KAZN: variants seen among roughly 807,000 people sequenced by gnomAD.
The protein encoded by KAZN is kazrin, periplakin interacting protein.
Under a neutral mutation model 87.4 loss-of-function variants are expected in KAZN, and 40 were observed. The observed-to-expected ratio is 0.46, with a 90% CI of 0.36 to 0.60. The LOEUF (loss-of-function observed/expected upper bound fraction) is 0.60, where lower values mean the gene tolerates loss of function less well. Ranked by LOEUF, KAZN falls within the 20% of genes least tolerant of loss-of-function variation. KAZN has a pLI of 0.00. For synonymous variants in KAZN, 466 were observed against 458.3 expected (o/e 1.02, Z -0.22); for missense variants, 898 against 1,073.9 (o/e 0.84, Z 2.29).
At chr1:14,241,542 G>A (rs1045451020) in intron 2 of KAZN, among the ~76,000 whole-genome samples, 1 of 152,206 alleles carries the variant, frequency 6.6e-6, no homozygotes, top group African/African-American at 2.4e-5. Flanking sequence ...GTTAATGAAA[G>A]GACTTAGCAT....
intron 1 of KAZN, among the ~76,000 whole-genome samples, chr1:14,792,501 G>A (rs1645704514): frequency 6.6e-6 from 1 of 152,156 alleles, no homozygotes. Flanking sequence ...TACATTAGAA[G>A]CCCAGAGGGT....
intron 1 of KAZN, among the ~76,000 whole-genome samples, chr1:14,049,970 G>A (rs992727234): frequency 2.0e-5 from 3 of 152,220 alleles, no homozygotes; most frequent in African/African-American, 7.2e-5. Context: ...GCCCTGCCTT[G>A]CCTGAGGAGT....
At chr1:15,041,339 T>G (rs865809576) in intron 3 of KAZN, among the ~76,000 whole-genome samples, 2 of 145,670 alleles carry the variant, frequency 1.4e-5, no homozygotes, top group Non-Finnish European at 3.0e-5. Context: ...TTCTTTTTTT[T>G]TTTTTTTGTT....
chr1:14,419,905 A>G (rs558687825), intron 2 of KAZN, among the ~76,000 whole-genome samples: 3 of 152,240 alleles, frequency 2.0e-5, no homozygotes, highest in South Asian at 2.1e-4. Flanking sequence ...GCGAGCAACA[A>G]TGGGATTTAT....
At chr1:14,602,268 G>T (rs1460904076) in intron 1 of KAZN, among the ~76,000 whole-genome samples, 1 of 152,218 alleles carries the variant, frequency 6.6e-6, no homozygotes, top group Non-Finnish European at 1.5e-5. Flanking sequence ...CGGCACTTCG[G>T]AGGATATTCT....
At chr1:13,945,361 T>C (rs34051317) in intron 1 of KAZN, among the ~76,000 whole-genome samples, 21,038 of 151,566 alleles carry the variant, frequency 0.14, 1,554 homozygotes, top group Middle Eastern at 0.22. Context: ...GTAATCCCAG[T>C]TACTCGGGAA....
chr1:14,482,832 A>G (rs1298555702), intron 2 of KAZN, among the ~76,000 whole-genome samples: 3 of 152,124 alleles, frequency 2.0e-5, no homozygotes, highest in African/African-American at 7.2e-5. Flanking sequence ...AGTCAACGGG[A>G]GCTAATATAA....
chr1:14,199,535 C>T (rs2100399155), intron 2 of KAZN, among the ~76,000 whole-genome samples: 1 of 152,344 alleles, frequency 6.6e-6, no homozygotes, highest in South Asian at 2.1e-4. Context: ...GAATTCGTCG[C>T]TGGGTTGCAC....
chr1:14,995,328 A>G (rs1438673666), intron 2 of KAZN, among the ~76,000 whole-genome samples: 1 of 152,162 alleles, frequency 6.6e-6, no homozygotes, highest in African/African-American at 2.4e-5. Flanking sequence ...TCCAGGGACA[A>G]TCTTCCTGGG....
chr1:13,937,037 T>A (rs1032844673), intron 1 of KAZN, among the ~76,000 whole-genome samples: 4 of 137,302 alleles, frequency 2.9e-5, no homozygotes, highest in Non-Finnish European at 6.0e-5. Context: ...TTTTCCCCAC[T>A]TTTTTTTTCT....
intron 2 of KAZN, among the ~76,000 whole-genome samples, chr1:14,973,157 C>T (rs573910394): frequency 1.2e-4 from 19 of 152,168 alleles, no homozygotes; most frequent in Non-Finnish European, 2.2e-4. Context: ...AATGCTGCAC[C>T]GGTGCTAGTT....
chr1:14,549,903 T>C (rs949464561), intron 2 of KAZN, among the ~76,000 whole-genome samples: 2 of 152,352 alleles, frequency 1.3e-5, no homozygotes, highest in Non-Finnish European at 2.9e-5. Context: ...TTTTGGTCCC[T>C]GGAGATTTCC....
intron 2 of KAZN, among the ~76,000 whole-genome samples, chr1:14,964,416 A>G (rs1664220803): frequency 6.6e-6 from 1 of 152,134 alleles, no homozygotes; most frequent in South Asian, 2.1e-4. Flanking sequence ...GGTGGCCCAG[A>G]CCTGAGACCA....
At chr1:14,636,428 G>A (rs182549899) in intron 1 of KAZN, among the ~76,000 whole-genome samples, 1 of 152,318 alleles carries the variant, frequency 6.6e-6, no homozygotes, top group East Asian at 1.9e-4. Context: ...ACATGCTTGA[G>A]CCCTTTGGAT....
At chr1:13,898,767 C>T (rs537578651) in intron 1 of KAZN, among the ~76,000 whole-genome samples, 2 of 152,342 alleles carry the variant, frequency 1.3e-5, no homozygotes, top group Admixed American at 6.5e-5. Flanking sequence ...CTGTCTGTCT[C>T]TCTCACCTGT....
chr1:14,448,448 A>G (rs1195514331), intron 2 of KAZN, among the ~76,000 whole-genome samples: 1 of 152,264 alleles, frequency 6.6e-6, no homozygotes, highest in Admixed American at 6.5e-5. Flanking sequence ...GGTGTCCTCC[A>G]TCACCAAGAT....
chr1:14,839,901 C>T (rs188770560), intron 1 of KAZN, among the ~76,000 whole-genome samples: 103 of 152,270 alleles, frequency 6.8e-4, no homozygotes, highest in African/African-American at 2.4e-3. Context: ...TGAGTTTCTT[C>T]TTTTCTCTGG....
rs769356199 is a variant in KAZN at position 15,099,715 on chromosome 1, G to C, written c.1548-1828G>C. Reference sequence around the variant, plus strand: ...AGAGAAGCCACAGAGTGTTGAGCAGGGGAGTGCACGGTCACACTGACATTT... The same window carrying C: ...AGAGAAGCCACAGAGTGTTGAGCAGCGGAGTGCACGGTCACACTGACATTT... On this transcript the variant is annotated intron_variant, in intron 10 of 14. Coordinates refer to ENST00000376030, the MANE Select transcript of KAZN (RefSeq NM_201628.3). This position sits in a 1 kb window ranked among gnomAD's most constrained non-coding sequence, Gnocchi z 5.4. Among the ~76,000 whole-genome samples, 10 of 152,320 alleles carry C rather than the reference G, an allele frequency of 6.6e-5. No homozygotes were observed. The highest frequency in any genetic ancestry group is 2.1e-4 in the South Asian group (1 of 4,828).
chr1:14,208,504 A>C (rs1646788617), intron 2 of KAZN, among the ~76,000 whole-genome samples: 2 of 152,232 alleles, frequency 1.3e-5, no homozygotes, highest in Admixed American at 1.3e-4. Flanking sequence ...GAGTGAAAAA[A>C]AGCCGGTAGT....
Sources: gnomAD v4.1 joint callset for allele counts (sites outside exome capture counted in the v4.1 genomes callset) on GRCh38, gnomAD v4.1.1 for gene constraint, Gnocchi (gnomAD v3.1) non-coding constraint, MANE v1.5 for transcripts, NCBI Gene and HGNC (gene_info 2026-07-23, HGNC 2026-07-21) for gene names.